WDR49: variants seen among roughly 807,000 people sequenced by gnomAD.
WDR49 encodes the protein cilia- and flagella-associated protein 337.
WDR49 carries 107 observed loss-of-function variants against 119.5 expected under a neutral mutation model. That is an observed-to-expected ratio of 0.90 (90% CI 0.77 to 1.05). The LOEUF is 1.05. Among genes scored for constraint, WDR49 ranks in the 50% least tolerant of loss-of-function variants. The pLI is 0.00. For synonymous variants in WDR49, 425 were observed against 418.8 expected, an observed-to-expected ratio of 1.01 and a Z score of -0.18; for missense variants, 1,240 against 1,220.5, an observed-to-expected ratio of 1.02 and a Z score of -0.24.
chr3:167,572,367 T>A lies in WDR49; in HGVS notation c.1509+3551A>T, dbSNP rs112051357. Among the ~76,000 whole-genome samples, 614 of 152,332 alleles carry A rather than the reference T, an allele frequency of 4.0e-3. 2 individuals are homozygous for A. The highest frequency in any genetic ancestry group is 0.014 in the African/African-American group (584 of 41,576). On this transcript the variant is annotated intron_variant, in intron 8 of 18. Transcript: ENST00000682715. ...GGAAATGTTCCAAGCTGCTTTTATA[T>A]AGGAATTATATTGGGTCCCCACTGA...
In WDR49 at chr3:167,604,417, G is replaced by T. The variant is rs549363512; in HGVS notation, c.1010C>A (p.Thr337Lys). Residue 337 changes from threonine (T) to lysine (K), a missense_variant, in exon 6 of 19, where the codon ACA (threonine) becomes AAA (lysine). Physicochemically the swap from Thr to Lys is moderately conservative, Grantham distance 78. Coordinates refer to ENST00000682715, the MANE Select transcript of WDR49 (RefSeq NM_001366157.1). ...TCTCCAAGCCATCACCACACTATTT[G>T]TATTGCTGGTTGTACTGGAAATGAT... ...DAIISSTTSNTNSVVMAWREK... is the reference protein window; with the variant it reads ...DAIISSTTSNKNSVVMAWREK... 3.6e-5 allele frequency: 58 copies of T among 1,613,418 alleles called. No homozygotes were observed. In the Middle Eastern group the frequency reaches 6.6e-4, roughly 18 times the overall value.
intron 16 of WDR49, among the ~76,000 whole-genome samples, chr3:167,508,878 T>A (rs1315402060): frequency 6.6e-6 from 1 of 152,226 alleles, no homozygotes; most frequent in African/African-American, 2.4e-5. Flanking sequence ...TTTTTTCTTA[T>A]AGCTATTTAT....
chr3:167,504,213 T>G (rs929355651), intron 17 of WDR49, among the ~76,000 whole-genome samples: 1 of 152,172 alleles, frequency 6.6e-6, no homozygotes, highest in African/African-American at 2.4e-5. Context: ...GTAGATTCAC[T>G]GGCAGCTTGC....
At chr3:167,657,187 A>C (rs569725497), upstream of WDR49, among the ~76,000 whole-genome samples, 1 of 152,342 alleles carries the variant, frequency 6.6e-6, no homozygotes, top group East Asian at 1.9e-4. Flanking sequence ...AGTAGGATAC[A>C]TATTATGAAA....
chr3:167,486,628 T>C (rs973303590), intron 18 of WDR49, among the ~76,000 whole-genome samples: 1 of 151,982 alleles, frequency 6.6e-6, no homozygotes, highest in African/African-American at 2.4e-5. Flanking sequence ...AAACAGATTT[T>C]AAACAAATAA....
At chr3:167,654,617 C>T (rs193134289), upstream of WDR49, among the ~76,000 whole-genome samples, 36 of 152,220 alleles carry the variant, frequency 2.4e-4, no homozygotes, top group Admixed American at 1.4e-3. Context: ...AGCAAAAAGC[C>T]GGGCAAGGTG....
chr3:167,511,876 T>G (rs1751989812), intron 16 of WDR49, among the ~76,000 whole-genome samples: 1 of 152,144 alleles, frequency 6.6e-6, no homozygotes, highest in Non-Finnish European at 1.5e-5. Flanking sequence ...GGGACCCGGA[T>G]CCATCCCTCC....
chr3:167,588,785 T>C (rs1349752692), intron 7 of WDR49, among the ~76,000 whole-genome samples: 1 of 152,164 alleles, frequency 6.6e-6, no homozygotes, highest in Admixed American at 6.6e-5. Flanking sequence ...AATCAGATTG[T>C]TAGATTTTTT....
At chr3:167,552,672 A>G (rs1282955402) in intron 10 of WDR49, among the ~76,000 whole-genome samples, 3 of 151,798 alleles carry the variant, frequency 2.0e-5, no homozygotes, top group Non-Finnish European at 4.4e-5. Context: ...TAGAGAGATA[A>G]GACCTGAAGA....
At chr3:167,482,161 G>C (rs2108187441) in intron 18 of WDR49, among the ~76,000 whole-genome samples, 1 of 152,134 alleles carries the variant, frequency 6.6e-6, no homozygotes, top group East Asian at 1.9e-4. Flanking sequence ...CACCTAAAAA[G>C]GAGAAAAGTA....
intron 2 of WDR49, among the ~76,000 whole-genome samples, chr3:167,641,768 C>T (rs944249937): frequency 7.9e-5 from 12 of 151,718 alleles, no homozygotes; most frequent in African/African-American, 2.2e-4. Context: ...AAGAATATGA[C>T]AGAGGTTGAA....
intron 15 of WDR49, among the ~76,000 whole-genome samples, 157 bp downstream of exon 15, chr3:167,527,663 A>G (rs1752684180): frequency 6.6e-6 from 1 of 152,066 alleles, no homozygotes; most frequent in Non-Finnish European, 1.5e-5. Flanking sequence ...AATGGAAAAC[A>G]GGGCAAGAGT....
chr3:167,580,675 T>A (rs935990337), intron 7 of WDR49, among the ~76,000 whole-genome samples: 3 of 152,174 alleles, frequency 2.0e-5, no homozygotes, highest in Non-Finnish European at 4.4e-5. Context: ...ATCCTTCTAA[T>A]CATAAAAGCC....
At chr3:167,572,252 T>C (rs1713976222) in intron 8 of WDR49, among the ~76,000 whole-genome samples, 1 of 152,212 alleles carries the variant, frequency 6.6e-6, no homozygotes, top group Admixed American at 6.5e-5. Context: ...AAGTATATGA[T>C]TTCCTTTAAA....
upstream of WDR49, among the ~76,000 whole-genome samples, chr3:167,657,101 T>C (rs1718623187): frequency 6.6e-6 from 1 of 152,176 alleles, no homozygotes; most frequent in Non-Finnish European, 1.5e-5. Context: ...CCCCACAATT[T>C]ATTGCCACTG....
chr3:167,641,465 C>A (rs148114059), intron 2 of WDR49, among the ~76,000 whole-genome samples: 41 of 151,972 alleles, frequency 2.7e-4, no homozygotes, highest in African/African-American at 8.4e-4. Flanking sequence ...GTTCTCTTCT[C>A]ACATCATATA....
chr3:167,499,255 A>C (rs1370551867), intron 18 of WDR49, among the ~76,000 whole-genome samples: 1 of 152,202 alleles, frequency 6.6e-6, no homozygotes, highest in African/African-American at 2.4e-5. Context: ...GGAGACTCTT[A>C]AACTCCCCTA....
At chr3:167,642,810 G>C (rs1717943933) in intron 2 of WDR49, among the ~76,000 whole-genome samples, 2 of 151,928 alleles carry the variant, frequency 1.3e-5, no homozygotes, top group Admixed American at 1.3e-4. Context: ...TATGTTAAAA[G>C]GATACAAGGG....
intron 5 of WDR49, among the ~76,000 whole-genome samples, chr3:167,611,130 A>G (rs965836066): frequency 2.0e-5 from 3 of 152,192 alleles, no homozygotes; most frequent in Non-Finnish European, 4.4e-5. Context: ...ACTAATAACT[A>G]CGAATTTTCA....
Sources: gnomAD v4.1 joint callset for allele counts (sites outside exome capture counted in the v4.1 genomes callset) on GRCh38, gnomAD v4.1.1 for gene constraint, MANE v1.5 for transcripts, NCBI Gene and HGNC (gene_info 2026-07-23, HGNC 2026-07-21) for gene names.